The following RAD51B variants were observed in gnomAD, a reference collection of about 807,000 sequenced individuals.
RAD51B encodes DNA repair protein RAD51 homolog 2.
RAD51B carries 38 observed loss-of-function variants against 42.2 expected under a neutral mutation model. That is an observed-to-expected ratio of 0.90 (90% CI 0.70 to 1.18). The LOEUF is 1.18. Among genes scored for constraint, RAD51B ranks in the 50% most tolerant of loss-of-function variants. The pLI, the probability that RAD51B is intolerant of heterozygous loss-of-function variation, is 0.00. For missense variants in RAD51B, 373 were observed against 400.7 expected, an observed-to-expected ratio of 0.93 and a Z score of 0.59; for synonymous variants, 154 against 145.2, an observed-to-expected ratio of 1.06 and a Z score of -0.43.
At chr14:68,219,695 A>ATC (rs1379045996) in intron 7 of RAD51B, among the ~76,000 whole-genome samples, 2 of 152,150 alleles carry the variant, frequency 1.3e-5, no homozygotes, top group African/African-American at 4.8e-5. Context: ...CAGCCCTTGA[A>ATC]TCCCAGATCT....
intron 7 of RAD51B, among the ~76,000 whole-genome samples, chr14:67,902,600 TGTA>T (rs1186673820): frequency 6.6e-6 from 1 of 152,214 alleles, no homozygotes; most frequent in East Asian, 1.9e-4. Flanking sequence ...GAAATGGTGA[TGTA>T]GTAAAAATCA....
intron 4 of RAD51B, among the ~76,000 whole-genome samples, chr14:67,837,170 C>T (rs573688317): frequency 4.6e-5 from 7 of 151,990 alleles, no homozygotes; most frequent in Admixed American, 2.6e-4. Context: ...CACACACACA[C>T]GCACACACAC....
At chr14:68,519,266 T>A (rs998224755) in intron 10 of RAD51B, among the ~76,000 whole-genome samples, 1 of 152,194 alleles carries the variant, frequency 6.6e-6, no homozygotes, top group South Asian at 2.1e-4. Flanking sequence ...AGAAATGAGG[T>A]GGGGCAGGAG....
chr14:67,954,166 T>C (rs1014798613), intron 7 of RAD51B, among the ~76,000 whole-genome samples: 2 of 152,188 alleles, frequency 1.3e-5, no homozygotes, highest in African/African-American at 4.8e-5. Flanking sequence ...TTGTTCTTTC[T>C]ATTGAATCAT....
At chr14:68,541,107 G>A (rs1336867909) in intron 10 of RAD51B, 8 of 985,300 alleles carry the variant, frequency 8.1e-6, no homozygotes, top group Non-Finnish European at 9.6e-6. Flanking sequence ...CCTCTGTGAT[G>A]TTTCCAGATG....
rs1340867918 is a variant in RAD51B at position 68,450,313 on chromosome 14, G to C, written c.958-17859G>C. On this transcript the variant is annotated intron_variant, in intron 9 of 10. Transcript: ENST00000471583. Reference sequence around the variant, plus strand: ...TGCTCACTGCAACGTCCACCTCCCGGGTTCAAACATTTCTTCTGCCTCAGC... The same window carrying C: ...TGCTCACTGCAACGTCCACCTCCCGCGTTCAAACATTTCTTCTGCCTCAGC... Among the ~76,000 whole-genome samples, 24 of 147,150 alleles carry C rather than the reference G, an allele frequency of 1.6e-4. No homozygotes were observed. In the Admixed American group the frequency reaches 1.7e-3, roughly 10 times the overall value.
intron 10 of RAD51B, among the ~76,000 whole-genome samples, chr14:68,525,293 G>T (rs1886853735): frequency 6.6e-6 from 1 of 152,240 alleles, no homozygotes; most frequent in South Asian, 2.1e-4. Flanking sequence ...CCTTCCAGAT[G>T]TCTTAATTTT....
intron 8 of RAD51B, among the ~76,000 whole-genome samples, chr14:68,335,236 G>T (rs2082427801): frequency 7.0e-6 from 1 of 143,484 alleles, no homozygotes; most frequent in Non-Finnish European, 1.5e-5. Context: ...GGTGGAGGTT[G>T]TAGTGAGCCG....
At chr14:68,257,971 A>G (rs1396962289) in intron 7 of RAD51B, among the ~76,000 whole-genome samples, 1 of 152,220 alleles carries the variant, frequency 6.6e-6, no homozygotes, top group Non-Finnish European at 1.5e-5. Flanking sequence ...TTGAACGCTT[A>G]CTAAGTGCCA....
chr14:68,609,653 C>T (rs948091618), intron 10 of RAD51B, among the ~76,000 whole-genome samples: 3 of 152,186 alleles, frequency 2.0e-5, no homozygotes, highest in Non-Finnish European at 2.9e-5. Context: ...ACAAGCATGG[C>T]GTCCTCTTCC....
At chr14:68,121,446 C>T (rs2140632864) in intron 7 of RAD51B, among the ~76,000 whole-genome samples, 1 of 152,252 alleles carries the variant, frequency 6.6e-6, no homozygotes, top group East Asian at 1.9e-4. Flanking sequence ...ATGACCCCAT[C>T]CCCATCTTCT....
chr14:68,647,117 T>A (rs1021410915), intron 10 of RAD51B, among the ~76,000 whole-genome samples: 2 of 152,238 alleles, frequency 1.3e-5, no homozygotes, highest in Non-Finnish European at 1.5e-5. Flanking sequence ...ATAAAAGAAC[T>A]TCATTTATTC....
At chr14:68,297,925 A>T (rs1163145547) in intron 8 of RAD51B, among the ~76,000 whole-genome samples, 1 of 152,140 alleles carries the variant, frequency 6.6e-6, no homozygotes, top group Non-Finnish European at 1.5e-5. Flanking sequence ...TTGGATAAAA[A>T]TGTTTAAGTG....
At chr14:68,632,764 G>A (rs1412404995) in intron 10 of RAD51B, among the ~76,000 whole-genome samples, 1 of 151,902 alleles carries the variant, frequency 6.6e-6, no homozygotes, top group East Asian at 1.9e-4. Flanking sequence ...ACCCTACTCA[G>A]CGCAATGACC....
intron 8 of RAD51B, among the ~76,000 whole-genome samples, chr14:68,356,019 A>C (rs2082890568): frequency 6.6e-6 from 1 of 152,234 alleles, no homozygotes. Flanking sequence ...AAATTTGTCT[A>C]ATTATCTCCC....
intron 10 of RAD51B, among the ~76,000 whole-genome samples, chr14:68,561,378 G>A (rs958086594): frequency 6.6e-6 from 1 of 152,154 alleles, no homozygotes; most frequent in East Asian, 1.9e-4. Flanking sequence ...CGCACCCCAG[G>A]GGATTCTGAG....
chr14:67,967,701 C>T (rs1419360603), intron 7 of RAD51B, among the ~76,000 whole-genome samples: 2 of 152,178 alleles, frequency 1.3e-5, no homozygotes, highest in African/African-American at 4.8e-5. Context: ...CAGCTCTGCA[C>T]CTGTGGCTTT....
chr14:67,864,845 A>G (rs1331988298), intron 4 of RAD51B, 158 bp from the exon 5 acceptor site: 1 of 1,182,184 alleles, frequency 8.5e-7, no homozygotes, highest in Non-Finnish European at 1.2e-6. Flanking sequence ...TTCATTCCAT[A>G]CAATGGATGT....
At chr14:68,007,973 A>T (rs1480017284) in intron 7 of RAD51B, among the ~76,000 whole-genome samples, 1 of 152,016 alleles carries the variant, frequency 6.6e-6, no homozygotes, top group Non-Finnish European at 1.5e-5. Context: ...TTTGCGTATT[A>T]TATTTTTAAA....
Sources: gnomAD v4.1 joint callset for allele counts (sites outside exome capture counted in the v4.1 genomes callset) on GRCh38, gnomAD v4.1.1 for gene constraint, MANE v1.5 for transcripts, NCBI Gene and HGNC (gene_info 2026-07-23, HGNC 2026-07-21) for gene names.